The following LIMCH1 variants were observed in gnomAD, a reference collection of about 807,000 sequenced individuals.
The protein encoded by LIMCH1 is LIM and calponin homology domains 1.
A neutral mutation model predicts 176.5 loss-of-function variants in LIMCH1; 113 were observed. The observed-to-expected ratio is 0.64, with a 90% CI of 0.55 to 0.75. LIMCH1 has a LOEUF of 0.75. Ranked by LOEUF, LIMCH1 falls within the 30% of genes least tolerant of loss-of-function variation. The pLI, the probability that LIMCH1 is intolerant of heterozygous loss-of-function variation, is 0.00. For missense variants in LIMCH1, 1,674 were observed against 1,814.9 expected, an observed-to-expected ratio of 0.92 and a Z score of 1.41; for synonymous variants, 619 against 645.9, an observed-to-expected ratio of 0.96 and a Z score of 0.63.
chr4:41,388,168 T>C (rs1561207553), intron 1 of LIMCH1, among the ~76,000 whole-genome samples: 1 of 152,174 alleles, frequency 6.6e-6, no homozygotes, highest in East Asian at 1.9e-4. Flanking sequence ...CCTTAGAGAA[T>C]TGAAAACATA....
intron 1 of LIMCH1, among the ~76,000 whole-genome samples, chr4:41,398,648 C>G (rs553525057): frequency 5.1e-4 from 78 of 152,232 alleles, no homozygotes; most frequent in African/African-American, 1.7e-3. Flanking sequence ...CACAAGGTAG[C>G]TTTGTGCATA....
exon 3 of LIMCH1, chr4:41,524,448 C>T: frequency 6.2e-7 from 1 of 1,613,730 alleles, no homozygotes; most frequent in South Asian, 1.1e-5. Context: ...TTAAAAAGAT[C>T]AATAGATTGC....
intron 1 of LIMCH1, among the ~76,000 whole-genome samples, chr4:41,581,547 C>T (rs2085439463): frequency 6.6e-6 from 1 of 152,108 alleles, no homozygotes; most frequent in African/African-American, 2.4e-5. Flanking sequence ...TGGCTCACAC[C>T]TGTAATCCCA....
At chr4:41,371,722 C>T (rs1414664620) in intron 1 of LIMCH1, among the ~76,000 whole-genome samples, 3 of 152,180 alleles carry the variant, frequency 2.0e-5, no homozygotes, top group African/African-American at 4.8e-5. Flanking sequence ...CCTGATCCCA[C>T]GTAGCTCCTG....
At chr4:41,499,711 G>A (rs189774846) in intron 2 of LIMCH1, among the ~76,000 whole-genome samples, 9 of 152,226 alleles carry the variant, frequency 5.9e-5, no homozygotes, top group Middle Eastern at 3.4e-3. Context: ...CCAGCTACTC[G>A]GGAGGCTGAG....
intron 1 of LIMCH1, among the ~76,000 whole-genome samples, chr4:41,464,802 C>G (rs952926365): frequency 1.3e-5 from 2 of 152,208 alleles, no homozygotes; most frequent in Non-Finnish European, 2.9e-5. Context: ...ACTGTCTTCT[C>G]CCCTCCACAA....
chr4:41,679,959 C>G (rs560637748), intron 23 of LIMCH1, 47 bp from the exon 24 acceptor site: 1 of 1,285,050 alleles, frequency 7.8e-7, no homozygotes, highest in Admixed American at 1.9e-5. Flanking sequence ...TTCCCGATGA[C>G]GTATGCAATG....
At chr4:41,509,490 T>C (rs2074583697) in intron 2 of LIMCH1, among the ~76,000 whole-genome samples, 1 of 152,230 alleles carries the variant, frequency 6.6e-6, no homozygotes, top group Non-Finnish European at 1.5e-5. Context: ...GGTTCTCCCT[T>C]GTCCTTCTGC....
chr4:41,454,536 AGCT>A (rs1561423542), intron 1 of LIMCH1, among the ~76,000 whole-genome samples: 1 of 152,020 alleles, frequency 6.6e-6, no homozygotes, highest in African/African-American at 2.4e-5. Flanking sequence ...AGGTGTGGCC[AGCT>A]GTTCGTTCTG....
At chr4:41,642,704 G>A (rs889379064) in intron 14 of LIMCH1, among the ~76,000 whole-genome samples, 3 of 140,510 alleles carry the variant, frequency 2.1e-5, no homozygotes, top group Non-Finnish European at 3.1e-5. Context: ...GACTATAGGC[G>A]TGTGCTAGCA....
intron 1 of LIMCH1, among the ~76,000 whole-genome samples, chr4:41,571,160 G>C (rs2083491503): frequency 6.6e-6 from 1 of 152,066 alleles, no homozygotes; most frequent in Non-Finnish European, 1.5e-5. Context: ...GTGTGGCTCA[G>C]GGAGCCACAC....
chr4:41,684,305 A>G lies in LIMCH1; in HGVS notation c.3846-92A>G, dbSNP rs1718806889. ...GTCCCATCTCTTTTTTTATATTGTA[A>G]TTGGTACTCCCATCCTTTAAGTTAT... On this transcript the variant is annotated intron_variant, in intron 26 of 31. Coordinates refer to ENST00000503057, the MANE Select transcript of LIMCH1 (RefSeq NM_001330672.2). 3.1e-5 allele frequency: 33 copies of G among 1,071,152 alleles called. No individual in the cohort carries two copies. The South Asian group carries it at 6.9e-4, about 22-fold the overall frequency. The allele number at this position is 1,071,152 out of a possible 1,614,324, so 66.4% of individuals were successfully genotyped here. A position where few individuals can be genotyped will look rare whatever the true frequency, so the allele number is the denominator to read the frequency against.
intron 3 of LIMCH1, among the ~76,000 whole-genome samples, chr4:41,525,171 A>G (rs2076500327): frequency 6.7e-6 from 1 of 150,158 alleles, no homozygotes; most frequent in South Asian, 2.1e-4. Context: ...AAAGGAAAGA[A>G]GTAGAAGATG....
At chr4:41,604,894 G>A (rs530786647) in intron 3 of LIMCH1, among the ~76,000 whole-genome samples, 2 of 151,978 alleles carry the variant, frequency 1.3e-5, no homozygotes, top group South Asian at 2.1e-4. Context: ...TGGGTCTGTC[G>A]CCAGCTGGAC....
At chr4:41,601,401 G>A (rs991649150) in intron 2 of LIMCH1, among the ~76,000 whole-genome samples, 1 of 152,174 alleles carries the variant, frequency 6.6e-6, no homozygotes, top group African/African-American at 2.4e-5. Context: ...AGCACTAACT[G>A]GGGGCTGAGA....
intron 14 of LIMCH1, among the ~76,000 whole-genome samples, chr4:41,641,677 TACA>T (rs1378179956): frequency 1.3e-5 from 2 of 152,250 alleles, no homozygotes; most frequent in Non-Finnish European, 1.5e-5. Flanking sequence ...GGTGATTTTA[TACA>T]ATAGTTTAAA....
At chr4:41,620,120 A>AT (rs1453899620) in intron 6 of LIMCH1, 1 of 322,018 alleles carries the variant, frequency 3.1e-6, no homozygotes, top group African/African-American at 2.1e-5. Context: ...ATTATTTTCC[A>AT]TTGAATAAAG....
chr4:41,623,754 C>T (rs1006742255), intron 7 of LIMCH1, among the ~76,000 whole-genome samples: 3 of 152,142 alleles, frequency 2.0e-5, no homozygotes, highest in Non-Finnish European at 4.4e-5. Context: ...GAGCGAGACT[C>T]GCATTATCTT....
intron 3 of LIMCH1, 45 bp downstream of exon 3, chr4:41,603,950 G>A (rs2090334765): frequency 2.0e-6 from 3 of 1,527,628 alleles, no homozygotes; most frequent in East Asian, 2.3e-5. Flanking sequence ...TGGTTCAAGT[G>A]TAAAATTTAG....
Sources: allele counts gnomAD v4.1 joint callset (sites outside exome capture counted in the v4.1 genomes callset), GRCh38; gene constraint gnomAD v4.1.1; transcripts MANE v1.5; gene names NCBI Gene and HGNC (gene_info 2026-07-23, HGNC 2026-07-21).